Variants in MACF1 observed in about 807,000 individuals in gnomAD.
The protein encoded by MACF1 is microtubule-actin cross-linking factor 1.
Under a neutral mutation model 854.8 loss-of-function variants are expected in MACF1, and 193 were observed. The observed-to-expected ratio is 0.23, with a 90% CI of 0.20 to 0.25. The LOEUF (loss-of-function observed/expected upper bound fraction) is 0.25, where lower values mean the gene tolerates loss of function less well. MACF1 is among the 10% of genes least tolerant of loss of function. The pLI is 1.00. For missense variants in MACF1, 7,722 were observed against 8,929.1 expected (o/e 0.86, Z 5.45); for synonymous variants, 3,185 against 3,226.7 (o/e 0.99, Z 0.44).
rs531082004 is a variant in MACF1 at position 39,088,073 on chromosome 1, C to T, written c.220+3635C>T. Among the ~76,000 whole-genome samples the T allele has an allele frequency of 3.9e-5, 6 of 152,126 alleles. No individual in the cohort carries two copies. In the South Asian group the frequency reaches 6.2e-4, roughly 16 times the overall value. Reference sequence around the variant, plus strand: ...CTGCAGGCTCCGCCCCCTGGTTTCACGCCATTCTCCTGCCTCAGCCTCCTG... The same window carrying T: ...CTGCAGGCTCCGCCCCCTGGTTTCATGCCATTCTCCTGCCTCAGCCTCCTG... On this transcript the variant is annotated intron_variant, in intron 2 of 93. Transcript: ENST00000361689.
intron 35 of MACF1, among the ~76,000 whole-genome samples, chr1:39,325,311 G>T (rs931063150): frequency 6.6e-6 from 1 of 152,144 alleles, no homozygotes; most frequent in South Asian, 2.1e-4. Context: ...CAGAAGTCAA[G>T]AAAAGTTGAG....
intron 2 of MACF1, among the ~76,000 whole-genome samples, chr1:39,139,103 AC>A (rs1377504524): frequency 6.6e-6 from 1 of 152,194 alleles, no homozygotes; most frequent in African/African-American, 2.4e-5. Context: ...GCTCTTAATC[AC>A]CCTATGAAAA....
chr1:39,441,690 A>T (rs1197440640), intron 74 of MACF1, among the ~76,000 whole-genome samples: 3 of 152,224 alleles, frequency 2.0e-5, no homozygotes, highest in African/African-American at 7.2e-5. Context: ...CTGGGATTGA[A>T]AAATCTTCAC....
At chr1:39,481,664 CA>C (rs1432396215) in intron 99 of MACF1, among the ~76,000 whole-genome samples, 1 of 152,206 alleles carries the variant, frequency 6.6e-6, no homozygotes, top group African/African-American at 2.4e-5. Flanking sequence ...TGTTCAAGTG[CA>C]GCCATTAAAG....
intron 40 of MACF1, among the ~76,000 whole-genome samples, chr1:39,346,400 G>T (rs1171436580): frequency 6.6e-6 from 1 of 151,972 alleles, no homozygotes; most frequent in Non-Finnish European, 1.5e-5. Flanking sequence ...ATTAACAATA[G>T]TATAATTATG....
chr1:39,403,406 A>G (rs985159800), intron 58 of MACF1, among the ~76,000 whole-genome samples: 3 of 151,950 alleles, frequency 2.0e-5, no homozygotes, highest in Admixed American at 6.6e-5. Context: ...GCCCAAATCT[A>G]TATCTCTATC....
chr1:39,426,701 A>G (rs964218381), intron 61 of MACF1, among the ~76,000 whole-genome samples: 3 of 152,110 alleles, frequency 2.0e-5, no homozygotes, highest in East Asian at 1.9e-4. Context: ...AAGCTTAGTT[A>G]TGGATCTTAT....
chr1:39,111,923 A>G (rs1214320639), intron 2 of MACF1, among the ~76,000 whole-genome samples: 3 of 152,036 alleles, frequency 2.0e-5, no homozygotes, highest in African/African-American at 7.2e-5. Flanking sequence ...TCATAATTTG[A>G]CTTACTCTGC....
At chr1:39,092,608 A>G (rs1031159367) in intron 2 of MACF1, among the ~76,000 whole-genome samples, 5 of 152,300 alleles carry the variant, frequency 3.3e-5, no homozygotes, top group Middle Eastern at 3.4e-3. Context: ...TGGTCAGCCT[A>G]ACTCCAAAGC....
chr1:39,389,422 C>T (rs1178064242), intron 58 of MACF1, among the ~76,000 whole-genome samples: 3 of 121,270 alleles, frequency 2.5e-5, no homozygotes, highest in African/African-American at 3.2e-5. Flanking sequence ...TGCAGTGGGG[C>T]GATCTAGGCT....
chr1:39,087,542 C>T (rs565671264), intron 2 of MACF1, among the ~76,000 whole-genome samples: 1 of 152,364 alleles, frequency 6.6e-6, no homozygotes, highest in South Asian at 2.1e-4. Context: ...TCTCCTTCTT[C>T]TTTGCCAGCC....
chr1:39,452,930 A>C, intron 87 of MACF1, 118 bp downstream of exon 87: 5 of 1,209,202 alleles, frequency 4.1e-6, no homozygotes, highest in Non-Finnish European at 5.8e-6. Flanking sequence ...AAGGAACAAA[A>C]CCAGAGTGGC....
chr1:39,417,750 G>GT (rs1643380965), intron 58 of MACF1, among the ~76,000 whole-genome samples: 1 of 30,004 alleles, frequency 3.3e-5, no homozygotes, highest in Non-Finnish European at 6.8e-5. Flanking sequence ...TTTTTTTTTT[G>GT]GATTTTTAGT....
intron 58 of MACF1, chr1:39,411,944 T>C: frequency 2.5e-6 from 4 of 1,613,908 alleles, no homozygotes; most frequent in Non-Finnish European, 2.5e-6. Flanking sequence ...CACGTTGATA[T>C]CATGAGAGAC....
chr1:39,381,384 G>C lies in MACF1; in HGVS notation c.13649-569G>C, dbSNP rs61563113. On this transcript the variant is annotated intron_variant, in intron 55 of 100. Coordinates refer to ENST00000564288, the MANE Select transcript of MACF1 (RefSeq NM_001394062.1). Reference sequence around the variant, plus strand: ...TTTTTTTTTTTTTTTTTTTTGGGGGGGGGGACAGGGTCTTGCTCTGTCACC... The same window carrying C: ...TTTTTTTTTTTTTTTTTTTTGGGGGCGGGGACAGGGTCTTGCTCTGTCACC... 1.4e-3 allele frequency among the ~76,000 whole-genome samples: 200 copies of C among 145,026 alleles called. 2 individuals are homozygous for C. The highest frequency in any genetic ancestry group is 4.1e-3 in the African/African-American group (161 of 39,104).
chr1:39,123,035 T>G (rs1240174467), intron 2 of MACF1, among the ~76,000 whole-genome samples: 1 of 151,986 alleles, frequency 6.6e-6, no homozygotes, highest in Non-Finnish European at 1.5e-5. Context: ...CTCAGTCATT[T>G]GGGAGTAGAT....
intron 1 of MACF1, among the ~76,000 whole-genome samples, chr1:39,217,836 G>C (rs1048898914): frequency 6.8e-6 from 1 of 147,960 alleles, no homozygotes; most frequent in Non-Finnish European, 1.5e-5. Context: ...AGATTTCAGT[G>C]AGCCGGGATC....
In MACF1 at chr1:39,434,464, T is replaced by C; in HGVS notation, c.17616T>C (p.Asn5872=). The C allele has an allele frequency of 6.2e-7, 1 of 1,607,056 alleles. No homozygotes were observed. Among genetic ancestry groups the C allele is most frequent in the Non-Finnish European group, 8.5e-7 (1 of 1,176,750 alleles). The change falls in exon 69 of 101, where the codon AAT becomes AAC. Residue 5872 remains asparagine (N), a synonymous_variant. Coordinates refer to ENST00000564288, the MANE Select transcript of MACF1 (RefSeq NM_001394062.1). ...AATATGAAGCCATTAGCCTACTCAA[T>C]TCAGAGCGTTATGCCCGCCTAGAGC... ...IQQYEAISLL[N]SERYARLERA...
intron 44 of MACF1, among the ~76,000 whole-genome samples, chr1:39,353,945 T>C (rs1353019717): frequency 6.6e-6 from 1 of 152,250 alleles, no homozygotes; most frequent in African/African-American, 2.4e-5. Flanking sequence ...TCTACTGGTC[T>C]TCTTGCCTCT....
Sources: gnomAD v4.1 joint callset for allele counts (sites outside exome capture counted in the v4.1 genomes callset) on GRCh38, gnomAD v4.1.1 for gene constraint, MANE v1.5 for transcripts, NCBI Gene and HGNC (gene_info 2026-07-23, HGNC 2026-07-21) for gene names.